Variants in PIN4 observed in about 807,000 individuals in gnomAD.
PIN4 encodes the protein peptidylprolyl cis/trans isomerase, NIMA-interacting 4, also known as peptidyl-prolyl cis-trans isomerase NIMA-interacting 4.
Under a neutral mutation model 8.3 loss-of-function variants are expected in PIN4, and 3 were observed. That is an observed-to-expected ratio of 0.36 (90% CI 0.16 to 0.93). PIN4 has a LOEUF of 0.93. PIN4 is among the 40% of genes least tolerant of loss of function. PIN4 has a pLI of 0.44. For missense variants in PIN4, 75 were observed against 100.6 expected (o/e 0.75, Z 1.09); for synonymous variants, 18 against 32.5 (o/e 0.55, Z 1.52).
At chrX:72,260,105 A>T (rs1453256048) in intron 3 of PIN4, among the ~76,000 whole-genome samples, 1 of 110,808 alleles carries the variant, frequency 9.0e-6, no homozygotes, top group Non-Finnish European at 1.9e-5. Flanking sequence ...CTACTGCCAC[A>T]CATATAAGAG....
intron 3 of PIN4, among the ~76,000 whole-genome samples, chrX:72,225,923 C>A (rs1454297823): frequency 1.8e-5 from 2 of 111,842 alleles, no homozygotes; most frequent in Non-Finnish European, 3.8e-5. Flanking sequence ...AAGGTTGGCC[C>A]CTTTGCTTAA....
intron 3 of PIN4, among the ~76,000 whole-genome samples, chrX:72,244,180 T>A (rs1220877291): frequency 8.9e-6 from 1 of 111,973 alleles, no homozygotes; most frequent in Admixed American, 9.5e-5. Flanking sequence ...AGCTTAAAGT[T>A]CCATGGTGAA....
chrX:72,231,240 C>T (rs151081984), intron 3 of PIN4, among the ~76,000 whole-genome samples: 28 of 111,885 alleles, frequency 2.5e-4, no homozygotes, highest in African/African-American at 9.1e-4. Context: ...AATTATTCAG[C>T]CGTTAAAAGG....
intron 3 of PIN4, chrX:72,238,822 C>G (rs1336208464): frequency 2.6e-6 from 3 of 1,173,561 alleles, no homozygotes; most frequent in Non-Finnish European, 3.4e-6. Flanking sequence ...TTAGCTAGAC[C>G]CGCCCAGCGG....
At chrX:72,185,447 C>G (rs2042698109) in intron 1 of PIN4, among the ~76,000 whole-genome samples, 1 of 111,978 alleles carries the variant, frequency 8.9e-6, no homozygotes, top group Non-Finnish European at 1.9e-5. Context: ...TTCCACAGCC[C>G]CCTGTCCATA....
intron 2 of PIN4, among the ~76,000 whole-genome samples, chrX:72,190,053 C>T (rs1172323696): frequency 2.7e-5 from 3 of 110,960 alleles, no homozygotes; most frequent in African/African-American, 9.9e-5. Context: ...TTCCTGCCTC[C>T]GCCAATCCTG....
chrX:72,202,051 C>A (rs908103853), downstream of PIN4, among the ~76,000 whole-genome samples: 1 of 112,983 alleles, frequency 8.9e-6, no homozygotes, highest in Non-Finnish European at 1.9e-5. Flanking sequence ...ACTTGGCCTA[C>A]GCCCTGTGGA....
chrX:72,205,555 G>A, intron 3 of PIN4: 1 of 1,210,894 alleles, frequency 8.3e-7, no homozygotes, highest in Non-Finnish European at 1.1e-6. Flanking sequence ...GAACCTTCCT[G>A]GTGGACTGAT....
intron 3 of PIN4, among the ~76,000 whole-genome samples, chrX:72,211,044 C>A (rs1165528106): frequency 8.9e-6 from 1 of 112,059 alleles, no homozygotes; most frequent in Non-Finnish European, 1.9e-5. Context: ...ATTTGCAAGA[C>A]TAGAATGCTT....
chrX:72,220,378 A>G (rs943559996), intron 3 of PIN4, among the ~76,000 whole-genome samples: 2 of 112,018 alleles, frequency 1.8e-5, no homozygotes, highest in African/African-American at 6.5e-5. Context: ...CATCTTGGAC[A>G]GGCCCCTCAT....
chrX:72,246,556 C>T (rs2043068108), intron 3 of PIN4, among the ~76,000 whole-genome samples: 1 of 111,853 alleles, frequency 8.9e-6, no homozygotes, highest in Admixed American at 9.5e-5. Flanking sequence ...GCTTACAAGG[C>T]CTTCCTGATC....
intron 3 of PIN4, among the ~76,000 whole-genome samples, chrX:72,253,311 G>A (rs762474284): frequency 2.0e-4 from 22 of 111,937 alleles, no homozygotes; most frequent in Admixed American, 1.7e-3. Flanking sequence ...TCCCATTCCT[G>A]TTCCCCAGTC....
chrX:72,244,457 T>A (rs779371140), intron 3 of PIN4, among the ~76,000 whole-genome samples: 1 of 111,752 alleles, frequency 8.9e-6, no homozygotes, highest in South Asian at 3.7e-4. Flanking sequence ...GAGGGCTTGA[T>A]GTGTATGAAA....
chrX:72,218,474 A>G (rs2042899884), intron 3 of PIN4, among the ~76,000 whole-genome samples: 1 of 106,019 alleles, frequency 9.4e-6, no homozygotes, highest in Non-Finnish European at 1.9e-5. Context: ...GGCTTTTATA[A>G]TAGTTTGTCA....
At chrX:72,188,234 C>T (rs1218285339) in intron 2 of PIN4, among the ~76,000 whole-genome samples, 2 of 112,761 alleles carry the variant, frequency 1.8e-5, no homozygotes. Flanking sequence ...GCTGGTCTCC[C>T]ATATGACATC....
At chrX:72,261,616 A>T (rs1164375617) in intron 3 of PIN4, among the ~76,000 whole-genome samples, 1 of 112,353 alleles carries the variant, frequency 8.9e-6, no homozygotes, top group African/African-American at 3.2e-5. Flanking sequence ...GAGAGAGGGC[A>T]TGTAACCTGC....
downstream of PIN4, among the ~76,000 whole-genome samples, chrX:72,202,550 T>A (rs887889971): frequency 8.9e-6 from 1 of 112,054 alleles, no homozygotes; most frequent in Non-Finnish European, 1.9e-5. Context: ...AAAACAAAGA[T>A]GTGTAGGGCG....
chrX:72,235,459 G>A (rs1602454383), intron 3 of PIN4, among the ~76,000 whole-genome samples: 1 of 102,359 alleles, frequency 9.8e-6, no homozygotes, highest in African/African-American at 3.7e-5. Flanking sequence ...GCAACGGTGC[G>A]ATCTCAGCTC....
At chrX:72,218,142 C>T (rs981735862) in intron 3 of PIN4, among the ~76,000 whole-genome samples, 11 of 108,798 alleles carry the variant, frequency 1.0e-4, no homozygotes, top group Non-Finnish European at 2.1e-4. Context: ...TGGTGGTGGG[C>T]GCCTGTAGTC....
Sources: gnomAD v4.1 joint callset for allele counts (sites outside exome capture counted in the v4.1 genomes callset) on GRCh38, gnomAD v4.1.1 for gene constraint, MANE v1.5 for transcripts, NCBI Gene and HGNC (gene_info 2026-07-23, HGNC 2026-07-21) for gene names.